NR3C1: variants seen among roughly 807,000 people sequenced by gnomAD.
NR3C1 encodes nuclear receptor subfamily 3 group C member 1, also known as glucocorticoid receptor.
Under a neutral mutation model 74.0 loss-of-function variants are expected in NR3C1, and 14 were observed. The observed-to-expected ratio is 0.19, with a 90% CI of 0.12 to 0.30. The LOEUF (loss-of-function observed/expected upper bound fraction) is 0.30. NR3C1 is among the 10% of genes least tolerant of loss of function. The pLI is 1.00. For synonymous variants in NR3C1, 308 were observed against 332.5 expected, an observed-to-expected ratio of 0.93 and a Z score of 0.80; for missense variants, 695 against 909.8, an observed-to-expected ratio of 0.76 and a Z score of 3.04.
intron 2 of NR3C1, among the ~76,000 whole-genome samples, chr5:143,370,868 T>A (rs1411304035): frequency 2.0e-5 from 3 of 152,084 alleles, no homozygotes; most frequent in African/African-American, 7.2e-5. Context: ...AACCTATAAG[T>A]GGTTGGAAGC....
At chr5:143,303,869 A>G (rs1327203551) in intron 4 of NR3C1, among the ~76,000 whole-genome samples, 1 of 152,204 alleles carries the variant, frequency 6.6e-6, no homozygotes, top group African/African-American at 2.4e-5. Context: ...AAAATCCAGC[A>G]TCTCTTCATG....
At chr5:143,414,047 AAATT>A (rs1841397756) in intron 1 of NR3C1, among the ~76,000 whole-genome samples, 2 of 152,198 alleles carry the variant, frequency 1.3e-5, no homozygotes, top group African/African-American at 4.8e-5. Flanking sequence ...AGAACCCTGA[AAATT>A]AAGTATAGTT....
At chr5:143,414,131 G>A (rs983342886) in intron 1 of NR3C1, among the ~76,000 whole-genome samples, 2 of 152,176 alleles carry the variant, frequency 1.3e-5, no homozygotes, top group South Asian at 2.1e-4. Flanking sequence ...AATTTCAAAT[G>A]TTACACAAAT....
chr5:143,279,515 C>A lies in NR3C1; in HGVS notation c.*2374G>T. The stretch of plus-strand genomic sequence containing the variant: ...TTTTCTTAGGCACCAAAAATTTATC[C>A]AGCCGGGTTACACACCATCTTAAAA... On this transcript the variant is annotated 3_prime_UTR_variant, in exon 9 of 9. Transcript: ENST00000394464. 3 of 1,177,472 alleles carry A rather than the reference C, an allele frequency of 2.5e-6. No homozygotes were observed. Among genetic ancestry groups the A allele is most frequent in the Non-Finnish European group, 2.3e-6 (2 of 882,668 alleles). 72.9% of individuals were successfully genotyped at this position (1,177,472 alleles called of 1,614,324 possible).
At chr5:143,348,030 C>G (rs1486219994) in intron 2 of NR3C1, among the ~76,000 whole-genome samples, 1 of 152,148 alleles carries the variant, frequency 6.6e-6, no homozygotes, top group African/African-American at 2.4e-5. Context: ...AAAATACAGG[C>G]AGCTTGACAG....
intron 2 of NR3C1, among the ~76,000 whole-genome samples, chr5:143,380,037 C>T (rs1354930795): frequency 1.3e-5 from 2 of 151,970 alleles, no homozygotes; most frequent in Non-Finnish European, 2.9e-5. Flanking sequence ...TGATAATTGC[C>T]AAATCTAAGT....
At chr5:143,332,549 C>A in intron 2 of NR3C1, 1 of 778,642 alleles carries the variant, frequency 1.3e-6, no homozygotes, top group Non-Finnish European at 2.0e-6. Context: ...TACCCTGGAA[C>A]TTAAAATAAA....
At chr5:143,352,783 TA>T (rs1168154568) in intron 2 of NR3C1, among the ~76,000 whole-genome samples, 2 of 152,256 alleles carry the variant, frequency 1.3e-5, no homozygotes, top group Non-Finnish European at 2.9e-5. Context: ...CAGTGAGTTG[TA>T]ATCTTTTTCC....
Position 143,412,989 on chromosome 5 carries a change from CATTCCTTCAACAAAAGAGA to C in NR3C1, c.-13-12156_-13-12138del, listed in dbSNP as rs1364188163. Among the ~76,000 whole-genome samples the C allele has an allele frequency of 3.6e-4, 55 of 152,318 alleles. No homozygotes were observed. The South Asian group carries it at 4.6e-3, about 13-fold the overall frequency. The stretch of plus-strand genomic sequence containing the variant: ...TTTCTTAATTAATATTCTCTCCATT[CATTCCTTCAACAAAAGAGA>C]ATTCCTTCAACAAAATACAATTCCT... On this transcript the variant is annotated intron_variant, in intron 1 of 8. Coordinates refer to the NR3C1 transcript ENST00000343796.
intron 2 of NR3C1, among the ~76,000 whole-genome samples, chr5:143,325,881 T>C (rs918352403): frequency 3.9e-5 from 6 of 152,126 alleles, no homozygotes; most frequent in Admixed American, 6.5e-5. Flanking sequence ...TAAAATTATA[T>C]AAAAGTTATA....
At chr5:143,331,246 C>T (rs1825874616) in intron 2 of NR3C1, among the ~76,000 whole-genome samples, 1 of 152,116 alleles carries the variant, frequency 6.6e-6, no homozygotes, top group Admixed American at 6.6e-5. Context: ...CATCTCACAC[C>T]AGTCAGAACA....
chr5:143,360,984 A>C (rs1418339901), intron 2 of NR3C1, among the ~76,000 whole-genome samples: 1 of 152,232 alleles, frequency 6.6e-6, no homozygotes, highest in Non-Finnish European at 1.5e-5. Context: ...TTTCAAACAA[A>C]TAAGCTATCC....
chr5:143,348,510 T>A (rs1829694118), intron 2 of NR3C1, among the ~76,000 whole-genome samples: 1 of 152,140 alleles, frequency 6.6e-6, no homozygotes, highest in Non-Finnish European at 1.5e-5. Context: ...TCAAACGAAG[T>A]GACACGCCAC....
chr5:143,407,954 A>G (rs1841169626), upstream of NR3C1, among the ~76,000 whole-genome samples: 1 of 152,238 alleles, frequency 6.6e-6, no homozygotes, highest in African/African-American at 2.4e-5. Flanking sequence ...GAAGCCTTCT[A>G]GTGGATGTGA....
chr5:143,403,106 A>G (rs1279831745), intron 1 of NR3C1, 105 bp downstream of exon 1: 2 of 765,390 alleles, frequency 2.6e-6, no homozygotes, highest in Non-Finnish European at 3.1e-6. Context: ...CCCCGAGGCT[A>G]ATAAAAGTTT....
intron 2 of NR3C1, among the ~76,000 whole-genome samples, chr5:143,389,713 C>T (rs1417779016): frequency 6.6e-6 from 1 of 152,158 alleles, no homozygotes; most frequent in African/African-American, 2.4e-5. Flanking sequence ...AAATGTAGTG[C>T]CCATCCACAG....
rs13355270 is a variant in NR3C1, at chr5:143,350,640, T to C, written c.1185-36472A>G. ...CAAAGAGATACATCTGAGCTGGAGA[T>C]ACAGTAGATATGGCTGTCCTTTGCA... On this transcript the variant is annotated intron_variant, in intron 2 of 8. Coordinates refer to ENST00000394464, the MANE Select transcript of NR3C1 (RefSeq NM_000176.3). Among the ~76,000 whole-genome samples the C allele has an allele frequency of 4.4e-3, 671 of 152,194 alleles. 2 individuals carry two copies. The highest frequency in any genetic ancestry group is 0.015 in the African/African-American group (639 of 41,542).
chr5:143,348,462 A>C (rs1186292988), intron 2 of NR3C1, among the ~76,000 whole-genome samples: 2 of 152,146 alleles, frequency 1.3e-5, no homozygotes, highest in Non-Finnish European at 2.9e-5. Flanking sequence ...GAATAGCAAA[A>C]AATTTGAGTC....
chr5:143,361,160 C>A (rs1832164176), intron 2 of NR3C1, among the ~76,000 whole-genome samples: 1 of 152,122 alleles, frequency 6.6e-6, no homozygotes, highest in African/African-American at 2.4e-5. Flanking sequence ...TTAGATTAAG[C>A]TAGCTTATTC....
Sources: gnomAD v4.1 joint callset for allele counts (sites outside exome capture counted in the v4.1 genomes callset) on GRCh38, gnomAD v4.1.1 for gene constraint, MANE v1.5 for transcripts, NCBI Gene and HGNC (gene_info 2026-07-23, HGNC 2026-07-21) for gene names.